RNF217: variants seen among roughly 807,000 people sequenced by gnomAD.
The protein encoded by RNF217 is E3 ubiquitin-protein ligase RNF217.
In RNF217, 31 loss-of-function variants were observed where a neutral mutation model predicts 57.8. That is an observed-to-expected ratio of 0.54 (90% CI 0.40 to 0.72). The LOEUF (loss-of-function observed/expected upper bound fraction) is 0.72. Among genes scored for constraint, RNF217 ranks in the 30% least tolerant of loss-of-function variants. The pLI is 0.00. For synonymous variants in RNF217, 313 were observed against 294.0 expected (o/e 1.06, Z -0.66); for missense variants, 696 against 708.3 (o/e 0.98, Z 0.20).
At chr6:125,002,318 C>A (rs1785020693) in intron 1 of RNF217, among the ~76,000 whole-genome samples, 1 of 152,108 alleles carries the variant, frequency 6.6e-6, no homozygotes, top group South Asian at 2.1e-4. Flanking sequence ...GAAACCATGA[C>A]CTCAAGCCTC....
chr6:124,987,299 A>G (rs1317936635), intron 1 of RNF217, among the ~76,000 whole-genome samples: 1 of 152,180 alleles, frequency 6.6e-6, no homozygotes, highest in African/African-American at 2.4e-5. Flanking sequence ...AGGATATGAG[A>G]CCAGTATCAC....
At chr6:125,077,934 A>G (rs1438104282) in intron 4 of RNF217, among the ~76,000 whole-genome samples, 1 of 152,214 alleles carries the variant, frequency 6.6e-6, no homozygotes, top group African/African-American at 2.4e-5. Flanking sequence ...TGTTAGTGAT[A>G]GATTTCTATC....
At position 125,091,380 on chromosome 6, in the gene RNF217, T is replaced by G; in HGVS notation, c.*8443T>G. The G allele has an allele frequency of 6.6e-6, 1 of 152,102 alleles. No homozygotes were observed. Among genetic ancestry groups the G allele is most frequent in the Non-Finnish European group, 1.5e-5 (1 of 67,942 alleles). The allele number at this position is 152,102 out of a possible 1,614,324, so 9.4% of individuals were successfully genotyped here. On this transcript the variant is annotated 3_prime_UTR_variant, in exon 6 of 6. Transcript: ENST00000521654. ...TATCTAAAGAGCCATATATTTTTTG[T>G]GAGTGTTCTTTGGTCCCTCTATTTA...
At chr6:125,046,270 G>A (rs1299836271) in intron 2 of RNF217, among the ~76,000 whole-genome samples, 1 of 152,066 alleles carries the variant, frequency 6.6e-6, no homozygotes, top group Non-Finnish European at 1.5e-5. Flanking sequence ...TGAGTCTTGT[G>A]CAGTTTGCGC....
chr6:124,965,325 G>T (rs1314386595), intron 1 of RNF217, among the ~76,000 whole-genome samples: 1 of 152,188 alleles, frequency 6.6e-6, no homozygotes, highest in African/African-American at 2.4e-5. Context: ...TGTAATCCCA[G>T]CACTTTGGGA....
chr6:125,019,838 G>C (rs957472839), intron 1 of RNF217, among the ~76,000 whole-genome samples: 2 of 150,520 alleles, frequency 1.3e-5, no homozygotes, highest in East Asian at 3.9e-4. Flanking sequence ...TGCAGTGGGG[G>C]GGGAGTGAAA....
chr6:125,068,978 A>G (rs1164722151), intron 3 of RNF217, among the ~76,000 whole-genome samples: 1 of 152,180 alleles, frequency 6.6e-6, no homozygotes, highest in Non-Finnish European at 1.5e-5. Context: ...GAAAACTGGC[A>G]TCTGAAGATT....
chr6:125,026,114 A>G (rs1786071469), intron 1 of RNF217, among the ~76,000 whole-genome samples: 2 of 152,164 alleles, frequency 1.3e-5, no homozygotes, highest in South Asian at 2.1e-4. Flanking sequence ...TTTTCAAAGT[A>G]TCACATCCAA....
In RNF217 at chr6:125,090,259, T is replaced by C. The variant is rs540736824; in HGVS notation, c.*7322T>C. 7.2e-5 allele frequency: 11 copies of C among 152,178 alleles called. No individual in the cohort carries two copies. The South Asian group carries it at 2.3e-3, about 32-fold the overall frequency. 9.4% of individuals were successfully genotyped at this position (152,178 alleles called of 1,614,324 possible). ...TGAAAATTGACAATTTTGTTGCTTT[T>C]AGAAGCAATTAACATAGTAATTAGT... On this transcript the variant is annotated 3_prime_UTR_variant, in exon 6 of 6. Coordinates refer to ENST00000521654, the MANE Select transcript of RNF217 (RefSeq NM_001286398.3).
intron 2 of RNF217, 66 bp from the exon 3 acceptor site, chr6:125,057,876 C>T: frequency 7.3e-7 from 1 of 1,373,466 alleles, no homozygotes. Context: ...CAAGCATCAC[C>T]TTCTTATCCT....
intron 1 of RNF217, among the ~76,000 whole-genome samples, chr6:125,001,482 G>A (rs1220703371): frequency 1.3e-5 from 2 of 152,180 alleles, no homozygotes; most frequent in South Asian, 2.1e-4. Flanking sequence ...AGATAAAGAC[G>A]TAATGATATG....
At chr6:124,987,784 G>C (rs1307084878) in intron 1 of RNF217, among the ~76,000 whole-genome samples, 1 of 152,034 alleles carries the variant, frequency 6.6e-6, no homozygotes, top group East Asian at 1.9e-4. Flanking sequence ...ATTTTTGACA[G>C]GATGAGAAGG....
rs546407998 is a variant in RNF217 at position 124,965,877 on chromosome 6, TAAGTC to T, written c.882+2455_882+2459del. 4.9e-4 allele frequency among the ~76,000 whole-genome samples: 75 copies of T among 152,310 alleles called. No homozygotes were observed. The East Asian group carries it at 0.013, about 27-fold the overall frequency. ...ATACTCTGTCTTACACTTAAGTAAT[TAAGTC>T]AAGACAGAAGTTTTCACATTATTTG... On this transcript the variant is annotated intron_variant, in intron 1 of 5. Transcript: ENST00000521654.
At chr6:124,977,433 A>G (rs1784008020) in intron 1 of RNF217, among the ~76,000 whole-genome samples, 1 of 143,184 alleles carries the variant, frequency 7.0e-6, no homozygotes, top group Non-Finnish European at 1.6e-5. Context: ...ATGCTGAACA[A>G]AGATTATAAA....
chr6:125,062,407 A>G (rs1787769899), intron 3 of RNF217, among the ~76,000 whole-genome samples: 2 of 151,756 alleles, frequency 1.3e-5, no homozygotes, highest in South Asian at 2.1e-4. Flanking sequence ...TTTTTTCCTC[A>G]TGATCAAGAT....
chr6:124,994,667 T>A (rs1784681067), intron 1 of RNF217, among the ~76,000 whole-genome samples: 1 of 152,226 alleles, frequency 6.6e-6, no homozygotes, highest in South Asian at 2.1e-4. Flanking sequence ...TTTGTATATA[T>A]CCTCAAACTA....
chr6:125,012,927 A>G (rs1234214944), intron 1 of RNF217, among the ~76,000 whole-genome samples: 2 of 152,190 alleles, frequency 1.3e-5, no homozygotes, highest in Non-Finnish European at 2.9e-5. Flanking sequence ...CTAGTAAAAT[A>G]TCTTTGAACA....
At chr6:125,052,274 G>A (rs533473373) in intron 2 of RNF217, among the ~76,000 whole-genome samples, 1 of 141,616 alleles carries the variant, frequency 7.1e-6, no homozygotes, top group East Asian at 2.0e-4. Context: ...AGCTTACCTT[G>A]TCATGCGTTT....
chr6:124,973,649 G>C (rs1783845944), intron 1 of RNF217, among the ~76,000 whole-genome samples: 1 of 152,114 alleles, frequency 6.6e-6, no homozygotes, highest in Non-Finnish European at 1.5e-5. Flanking sequence ...ATTTAGATTG[G>C]TGCAAAAGTA....
Sources: gnomAD v4.1 joint callset for allele counts (sites outside exome capture counted in the v4.1 genomes callset) on GRCh38, gnomAD v4.1.1 for gene constraint, MANE v1.5 for transcripts, NCBI Gene and HGNC (gene_info 2026-07-23, HGNC 2026-07-21) for gene names.